Variants in ERBB4 observed in about 807,000 individuals in gnomAD.
ERBB4 encodes receptor tyrosine-protein kinase erbB-4.
In ERBB4, 42 loss-of-function variants were observed where a neutral mutation model predicts 158.0. That is an observed-to-expected ratio of 0.27 (90% CI 0.21 to 0.34). The LOEUF is 0.34. Among genes scored for constraint, ERBB4 ranks in the 10% least tolerant of loss-of-function variants. The pLI is 1.00. For missense variants in ERBB4, 1,333 were observed against 1,624.1 expected, an observed-to-expected ratio of 0.82 and a Z score of 3.08; for synonymous variants, 583 against 558.7, an observed-to-expected ratio of 1.04 and a Z score of -0.61.
intron 1 of ERBB4, among the ~76,000 whole-genome samples, chr2:212,352,776 G>A (rs1280502887): frequency 4.6e-5 from 7 of 152,084 alleles, no homozygotes; most frequent in Non-Finnish European, 1.0e-4. Flanking sequence ...GCTGAGGCAG[G>A]AGAATCATTT....
intron 3 of ERBB4, among the ~76,000 whole-genome samples, chr2:211,916,105 A>T (rs973707260): frequency 6.6e-6 from 1 of 151,898 alleles, no homozygotes; most frequent in African/African-American, 2.4e-5. Context: ...AAATATCTAG[A>T]GTGCCCATAT....
chr2:212,236,394 C>G (rs556755542), intron 1 of ERBB4, among the ~76,000 whole-genome samples: 1 of 152,134 alleles, frequency 6.6e-6, no homozygotes, highest in African/African-American at 2.4e-5. Flanking sequence ...ATTTTCACAT[C>G]GATGTTCATC....
chr2:212,459,259 A>G (rs924700284), intron 1 of ERBB4, among the ~76,000 whole-genome samples: 7 of 152,132 alleles, frequency 4.6e-5, no homozygotes, highest in Non-Finnish European at 1.0e-4. Flanking sequence ...TATCAAGTTA[A>G]TTATTTCCCC....
chr2:212,164,216 A>G (rs1308957754), intron 1 of ERBB4, among the ~76,000 whole-genome samples: 1 of 152,052 alleles, frequency 6.6e-6, no homozygotes, highest in African/African-American at 2.4e-5. Flanking sequence ...TGTGAATTTG[A>G]CATATGGCTA....
intron 1 of ERBB4, among the ~76,000 whole-genome samples, chr2:212,213,627 A>G (rs564139549): frequency 1.6e-4 from 24 of 151,922 alleles, no homozygotes; most frequent in Admixed American, 3.3e-4. Flanking sequence ...ACAATGCTAA[A>G]GTAATTTTCT....
At chr2:211,913,520 G>A (rs1264957155) in intron 3 of ERBB4, among the ~76,000 whole-genome samples, 2 of 151,902 alleles carry the variant, frequency 1.3e-5, no homozygotes, top group African/African-American at 4.8e-5. Context: ...AGAATCGCTC[G>A]AACTCGGGAG....
intron 20 of ERBB4, among the ~76,000 whole-genome samples, chr2:211,520,567 C>G (rs905188991): frequency 2.6e-5 from 4 of 152,064 alleles, no homozygotes; most frequent in African/African-American, 9.7e-5. Context: ...ATATGGACCA[C>G]AAACCCTACA....
chr2:211,451,459 G>A (rs975370257), intron 20 of ERBB4, among the ~76,000 whole-genome samples: 4 of 152,146 alleles, frequency 2.6e-5, no homozygotes, highest in African/African-American at 7.2e-5. Flanking sequence ...AGGAATTAAG[G>A]GAGGCAGGAT....
chr2:211,407,737 T>A (rs2063175186), intron 25 of ERBB4, among the ~76,000 whole-genome samples: 1 of 152,186 alleles, frequency 6.6e-6, no homozygotes, highest in Admixed American at 6.5e-5. Context: ...CAAATTAGCC[T>A]CTCTTTAGAA....
chr2:211,530,312 A>G (rs1013646863), intron 20 of ERBB4, among the ~76,000 whole-genome samples: 1 of 152,116 alleles, frequency 6.6e-6, no homozygotes, highest in Non-Finnish European at 1.5e-5. Context: ...CTCTATAATG[A>G]AAACTATAAA....
intron 1 of ERBB4, among the ~76,000 whole-genome samples, chr2:212,294,271 CTATT>C (rs775302575): frequency 5.0e-4 from 76 of 151,930 alleles, no homozygotes; most frequent in Non-Finnish European, 8.8e-4. Context: ...TATGGATTGC[CTATT>C]TATTTTATTT....
intron 2 of ERBB4, among the ~76,000 whole-genome samples, chr2:212,030,075 G>A (rs577728217): frequency 6.6e-6 from 1 of 152,198 alleles, no homozygotes; most frequent in East Asian, 1.9e-4. Context: ...GACTACAGGT[G>A]GTATCACTGT....
Position 212,015,044 on chromosome 2 carries a change from ATATATATATATAT to A in ERBB4, c.235-67441_235-67429del, listed in dbSNP as rs2076485349. Among the ~76,000 whole-genome samples, 3 of 4,116 alleles carry A rather than the reference ATATATATATATAT, an allele frequency of 7.3e-4. 1 individual carries two copies. The highest frequency in any genetic ancestry group is 2.0e-3 in the African/African-American group (3 of 1,488). 2.7% of individuals were successfully genotyped at this position (4,116 alleles called of 152,430 possible). ...CGTCTCTACTAAAAAAAAAAAAAAT[ATATATATATATAT>A]ATATATATATATATATATATATATA... On this transcript the variant is annotated intron_variant, in intron 2 of 27. Coordinates refer to ENST00000342788, the MANE Select transcript of ERBB4 (RefSeq NM_005235.3).
chr2:212,303,429 T>C (rs2086694113), intron 1 of ERBB4, among the ~76,000 whole-genome samples: 1 of 150,424 alleles, frequency 6.6e-6, no homozygotes, highest in Non-Finnish European at 1.5e-5. Context: ...AGTTCACAAA[T>C]TGGGAGGAAC....
At chr2:212,333,767 A>G (rs1029057857) in intron 1 of ERBB4, among the ~76,000 whole-genome samples, 1 of 151,980 alleles carries the variant, frequency 6.6e-6, no homozygotes, top group African/African-American at 2.4e-5. Context: ...GGATGGAGGA[A>G]AAAGCCTTCT....
intron 3 of ERBB4, among the ~76,000 whole-genome samples, chr2:211,944,206 A>AG (rs1553517917): frequency 0.016 from 1,710 of 103,990 alleles, 106 homozygotes; most frequent in African/African-American, 0.048. Flanking sequence ...TATACTATAT[A>AG]TATATATACA....
chr2:212,537,530 G>C (rs1342589572), intron 1 of ERBB4, among the ~76,000 whole-genome samples: 1 of 152,004 alleles, frequency 6.6e-6, no homozygotes, highest in Non-Finnish European at 1.5e-5. Context: ...CCTGGGGCTC[G>C]AGCTCTCCAG....
chr2:211,788,200 C>T (rs2076211753), intron 3 of ERBB4, 41 bp from the exon 4 acceptor site: 1 of 1,510,048 alleles, frequency 6.6e-7, no homozygotes, highest in Non-Finnish European at 9.2e-7. Flanking sequence ...TGTCAAACTG[C>T]TTGTTGATGA....
chr2:211,977,742 C>T (rs1044654052), intron 2 of ERBB4, among the ~76,000 whole-genome samples: 5 of 150,594 alleles, frequency 3.3e-5, no homozygotes, highest in Admixed American at 2.0e-4. Context: ...ATCCCAGCTA[C>T]CCTGGAGGCT....
Sources: gnomAD v4.1 joint callset for allele counts (sites outside exome capture counted in the v4.1 genomes callset) on GRCh38, gnomAD v4.1.1 for gene constraint, MANE v1.5 for transcripts, NCBI Gene and HGNC (gene_info 2026-07-23, HGNC 2026-07-21) for gene names.